CTNNA3: variants seen among roughly 807,000 people sequenced by gnomAD.
CTNNA3 encodes the protein catenin alpha 3, also known as catenin alpha-3.
A neutral mutation model predicts 95.7 loss-of-function variants in CTNNA3; 76 were observed. That is an observed-to-expected ratio of 0.79 (90% CI 0.66 to 0.96). CTNNA3 has a LOEUF of 0.96. Among genes scored for constraint, CTNNA3 ranks in the 40% least tolerant of loss-of-function variants. The pLI, the probability that CTNNA3 is intolerant of heterozygous loss-of-function variation, is 0.00. For synonymous variants in CTNNA3, 431 were observed against 374.4 expected, an observed-to-expected ratio of 1.15 and a Z score of -1.74; for missense variants, 1,191 against 1,089.8, an observed-to-expected ratio of 1.09 and a Z score of -1.31.
intron 13 of CTNNA3, among the ~76,000 whole-genome samples, chr10:66,203,190 A>G (rs867487462): frequency 6.6e-6 from 1 of 152,216 alleles, no homozygotes; most frequent in Non-Finnish European, 1.5e-5. Flanking sequence ...GAAAAGGTCA[A>G]TAAGATGCTT....
chr10:66,958,471 A>T (rs953384073), intron 7 of CTNNA3, among the ~76,000 whole-genome samples: 3 of 151,464 alleles, frequency 2.0e-5, no homozygotes, highest in African/African-American at 7.3e-5. Flanking sequence ...TTTTTTTTTT[A>T]AAAAAAATAG....
At chr10:65,984,828 C>G (rs184053649) in intron 16 of CTNNA3, among the ~76,000 whole-genome samples, 1 of 151,228 alleles carries the variant, frequency 6.6e-6, no homozygotes, top group East Asian at 1.9e-4. Flanking sequence ...CTATGTTTCA[C>G]TTATTTCACT....
intron 1 of CTNNA3, among the ~76,000 whole-genome samples, chr10:67,735,527 C>T (rs1486585086): frequency 1.3e-5 from 2 of 151,908 alleles, no homozygotes; most frequent in East Asian, 1.9e-4. Context: ...AATATACTAA[C>T]GGCCAATAAG....
chr10:66,121,426 C>T (rs1374588611), intron 13 of CTNNA3, among the ~76,000 whole-genome samples: 2 of 152,044 alleles, frequency 1.3e-5, no homozygotes, highest in Non-Finnish European at 1.5e-5. Context: ...AATTGCACCA[C>T]CTCAGTATTT....
chr10:66,590,110 T>C (rs1217828029), intron 10 of CTNNA3, among the ~76,000 whole-genome samples: 2 of 152,110 alleles, frequency 1.3e-5, no homozygotes, highest in African/African-American at 4.8e-5. Flanking sequence ...TAATGTAAAA[T>C]ATCTGTTATG....
At chr10:65,960,919 G>T (rs2077828766) in intron 17 of CTNNA3, among the ~76,000 whole-genome samples, 1 of 152,144 alleles carries the variant, frequency 6.6e-6, no homozygotes, top group Admixed American at 6.5e-5. Flanking sequence ...TTTAATAAAT[G>T]TGATTATATC....
chr10:67,105,570 C>G (rs1589745587), intron 7 of CTNNA3, among the ~76,000 whole-genome samples: 1 of 152,042 alleles, frequency 6.6e-6, no homozygotes, highest in Non-Finnish European at 1.5e-5. Context: ...CTTTCAATTA[C>G]AGATCCATAA....
chr10:66,375,108 GAGAAACA>G (rs1243122809), intron 12 of CTNNA3, among the ~76,000 whole-genome samples: 3 of 152,144 alleles, frequency 2.0e-5, no homozygotes, highest in African/African-American at 7.2e-5. Flanking sequence ...AATTTGATGT[GAGAAACA>G]AGGGGTAGAG....
chr10:66,225,930 T>G (rs1215356061), intron 13 of CTNNA3, among the ~76,000 whole-genome samples: 1 of 152,116 alleles, frequency 6.6e-6, no homozygotes, highest in African/African-American at 2.4e-5. Flanking sequence ...TATTTGGATA[T>G]TTTGCTGTTG....
intron 7 of CTNNA3, among the ~76,000 whole-genome samples, chr10:67,019,294 C>A (rs945541137): frequency 6.6e-6 from 1 of 152,170 alleles, no homozygotes; most frequent in Admixed American, 6.5e-5. Context: ...TCTTGGCTCA[C>A]CACAACCTCT....
At chr10:67,754,394 C>T (rs924836526) in intron 1 of CTNNA3, among the ~76,000 whole-genome samples, 20 of 152,030 alleles carry the variant, frequency 1.3e-4, no homozygotes, top group African/African-American at 4.8e-4. Flanking sequence ...GTACAGCAAA[C>T]CACCATGGCA....
At chr10:67,392,168 C>T (rs1288134385) in intron 5 of CTNNA3, among the ~76,000 whole-genome samples, 10 of 152,120 alleles carry the variant, frequency 6.6e-5, no homozygotes, top group African/African-American at 2.4e-4. Context: ...TGACAAAGGG[C>T]TAATATCCAG....
chr10:66,351,433 C>T (rs1320604159), intron 12 of CTNNA3, among the ~76,000 whole-genome samples: 1 of 151,818 alleles, frequency 6.6e-6, no homozygotes, highest in Non-Finnish European at 1.5e-5. Flanking sequence ...TCCTGAGTAC[C>T]ATTGTTAAAT....
At chr10:67,186,082 CA>C (rs1862833942) in intron 6 of CTNNA3, among the ~76,000 whole-genome samples, 1 of 151,592 alleles carries the variant, frequency 6.6e-6, no homozygotes. Flanking sequence ...AATGTACTTC[CA>C]GTGTGGCATC....
At chr10:66,356,778 C>T (rs140538513) in intron 12 of CTNNA3, among the ~76,000 whole-genome samples, 26 of 151,940 alleles carry the variant, frequency 1.7e-4, no homozygotes, top group African/African-American at 5.8e-4. Context: ...TTAGGAAAGT[C>T]CCTTTCTATT....
chr10:66,579,990 A>G (rs1379993632), intron 10 of CTNNA3, among the ~76,000 whole-genome samples: 1 of 151,734 alleles, frequency 6.6e-6, no homozygotes, highest in African/African-American at 2.4e-5. Flanking sequence ...TTTGCATTAT[A>G]GTCCCATACA....
chr10:67,193,962 C>G (rs184703678), intron 6 of CTNNA3, among the ~76,000 whole-genome samples: 7 of 152,168 alleles, frequency 4.6e-5, no homozygotes, highest in African/African-American at 1.4e-4. Flanking sequence ...GCTCCACAAC[C>G]TCGCCAACAT....
chr10:66,869,722 G>C (rs769792182), intron 7 of CTNNA3, among the ~76,000 whole-genome samples: 6 of 152,098 alleles, frequency 3.9e-5, no homozygotes, highest in Non-Finnish European at 8.8e-5. Flanking sequence ...AGGCAGATTA[G>C]AGAACAAGTA....
chr10:66,228,439 C>T (rs10996988), intron 13 of CTNNA3, among the ~76,000 whole-genome samples: 122,786 of 152,002 alleles, frequency 0.81, 49,935 homozygotes, highest in South Asian at 0.94. Flanking sequence ...TTCAGGGGCA[C>T]GTTGTTTGAT....
Sources: gnomAD v4.1 joint callset for allele counts (sites outside exome capture counted in the v4.1 genomes callset) on GRCh38, gnomAD v4.1.1 for gene constraint, MANE v1.5 for transcripts, NCBI Gene and HGNC (gene_info 2026-07-23, HGNC 2026-07-21) for gene names.